Variants in ZMYM1 observed in about 807,000 individuals in gnomAD.
ZMYM1 encodes the protein zinc finger MYM-type containing 1, also known as zinc finger MYM-type protein 1.
A neutral mutation model predicts 60.0 loss-of-function variants in ZMYM1; 39 were observed. The ratio of observed to expected loss-of-function variants is 0.65; its 90% CI spans 0.50 to 0.85. ZMYM1 has a LOEUF of 0.85. Ranked by LOEUF, ZMYM1 falls within the 40% of genes least tolerant of loss-of-function variation. The pLI, the probability that ZMYM1 is intolerant of heterozygous loss-of-function variation, is 0.00. For synonymous variants in ZMYM1, 413 were observed against 454.0 expected (o/e 0.91, Z 1.15); for missense variants, 1,171 against 1,309.5 (o/e 0.89, Z 1.63).
chr1:35,084,507 G>A (rs984441532), intron 1 of ZMYM1, among the ~76,000 whole-genome samples: 1 of 152,194 alleles, frequency 6.6e-6, no homozygotes, highest in Non-Finnish European at 1.5e-5. Flanking sequence ...TATAGGTCTT[G>A]TTAAGACTGG....
intron 1 of ZMYM1, among the ~76,000 whole-genome samples, chr1:35,061,917 C>T (rs946320730): frequency 1.3e-5 from 2 of 151,418 alleles, no homozygotes; most frequent in African/African-American, 2.4e-5. Flanking sequence ...GCAACCTCCA[C>T]CTCCCAGGTT....
rs767024561 is a variant in ZMYM1, at chr1:35,104,772, A to G, written c.807+3A>G. On this transcript the variant is annotated splice_donor_region_variant and intron_variant, in intron 6 of 9. Transcript: ENST00000359858. The stretch of plus-strand genomic sequence containing the variant: ...AGAGTATTACAGCATATAAGCAGGT[A>G]TGAATAAAGACCTATTGTTTCTTCT... The G allele has an allele frequency of 8.1e-6, 13 of 1,607,236 alleles. No homozygotes were observed. Among genetic ancestry groups the G allele is most frequent in the South Asian group, 1.1e-5 (1 of 90,974 alleles).
chr1:35,110,558 C>A lies in ZMYM1; in HGVS notation c.961+111C>A. ...TCAAATTAAACCGACTTTTAAAAGT[C>A]AAAACAATCTAAACTTGTTGCAAAG... On this transcript the variant is annotated intron_variant, in intron 7 of 9. Transcript: ENST00000359858. The A allele has an allele frequency of 1.1e-6, 1 of 938,952 alleles. No individual in the cohort carries two copies. Among genetic ancestry groups the A allele is most frequent in the Non-Finnish European group, 1.4e-6 (1 of 707,326 alleles). 58.2% of individuals were successfully genotyped at this position (938,952 alleles called of 1,614,324 possible).
In ZMYM1 at chr1:35,111,819, C is replaced by T; in HGVS notation, c.1009C>T (p.Pro337Ser). 1 of 1,606,914 alleles carries T rather than the reference C, an allele frequency of 6.2e-7. No individual in the cohort carries two copies. The highest frequency in any genetic ancestry group is 1.1e-5 in the South Asian group (1 of 90,020). ...TGATACTTCAACAGAGCTTCTTTCT[C>T]CAAAGAAAGATACGACTCCAGTTAT... is the stretch of plus-strand genomic sequence containing the variant. ...VHDTSTELLSPKKDTTPVISN... is the reference protein window; with the variant it reads ...VHDTSTELLSSKKDTTPVISN... The change falls in exon 8 of 10, where the codon CCA becomes TCA. Residue 337 changes from proline to serine, a missense_variant. Pro to Ser is a moderately conservative substitution (Grantham distance 74). Coordinates refer to ENST00000359858, the MANE Select transcript of ZMYM1 (RefSeq NM_024772.5).
intron 2 of ZMYM1, among the ~76,000 whole-genome samples, chr1:35,094,430 A>G (rs1274615952): frequency 6.6e-6 from 1 of 152,234 alleles, no homozygotes; most frequent in African/African-American, 2.4e-5. Context: ...AATACAAATT[A>G]CATTTTTTAA....
At chr1:35,084,631 C>T (rs552236382) in intron 1 of ZMYM1, among the ~76,000 whole-genome samples, 10 of 152,328 alleles carry the variant, frequency 6.6e-5, no homozygotes, top group African/African-American at 2.4e-4. Context: ...CAGGTCTTTA[C>T]CAAAACCCCT....
At chr1:35,082,904 C>T (rs76895407) in intron 1 of ZMYM1, among the ~76,000 whole-genome samples, 8,670 of 151,704 alleles carry the variant, frequency 0.057, 541 homozygotes, top group East Asian at 0.38. Context: ...TCACTTGAAC[C>T]CGGGAGGTGG....
rs1330366050 is a variant in ZMYM1 at position 35,113,118 on chromosome 1, T to A, written c.1288T>A (p.Ser430Thr). The A allele has an allele frequency of 1.2e-6, 2 of 1,613,906 alleles. No individual in the cohort carries two copies. Among genetic ancestry groups the A allele is most frequent in the East Asian group, 4.5e-5 (2 of 44,844 alleles). The change falls in exon 10 of 10, where the codon TCT becomes ACT. Residue 430 changes from serine (S) to threonine (T), a missense_variant. Transcript: ENST00000359858. Reference sequence around the variant, plus strand: ...AGAAGTACAAAAAGACAATATGAAATCTATGAAAATAAGTGATGAACTATG... The same window carrying A: ...AGAAGTACAAAAAGACAATATGAAAACTATGAAAATAAGTGATGAACTATG... ...STEVQKDNMKSMKISDELCHP... is the reference protein window; with the variant it reads ...STEVQKDNMKTMKISDELCHP...
chr1:35,095,099 T>C (rs1234592878), intron 2 of ZMYM1, among the ~76,000 whole-genome samples: 1 of 152,100 alleles, frequency 6.6e-6, no homozygotes, highest in Admixed American at 6.6e-5. Flanking sequence ...TTAGATATGG[T>C]GGCTATGAAA....
At chr1:35,103,608 G>C (rs1269880203) in intron 4 of ZMYM1, among the ~76,000 whole-genome samples, 1 of 152,154 alleles carries the variant, frequency 6.6e-6, no homozygotes, top group Non-Finnish European at 1.5e-5. Context: ...GAATAGTGCT[G>C]TTATGAATAT....
chr1:35,114,587 A>G lies in ZMYM1; in HGVS notation c.2757A>G (p.Ile919Met). ...FKTIWDGTEEICQKITCKGFK... is the reference protein window; with the variant it reads ...FKTIWDGTEEMCQKITCKGFK... Reference sequence around the variant, plus strand: ...CAATCTGGGATGGAACAGAGGAAATATGTCAAAAAATAACCTGTAAAGGTT... The same window carrying G: ...CAATCTGGGATGGAACAGAGGAAATGTGTCAAAAAATAACCTGTAAAGGTT... Residue 919 changes from isoleucine to methionine, a missense_variant, in exon 10 of 10, where the codon ATA (isoleucine) becomes ATG (methionine). Transcript: ENST00000359858. 1 of 1,609,904 alleles carries G rather than the reference A, an allele frequency of 6.2e-7. No homozygotes were observed. The highest frequency in any genetic ancestry group is 8.5e-7 in the Non-Finnish European group (1 of 1,178,648).
At chr1:35,097,676 C>T (rs1643407253) in intron 4 of ZMYM1, 110 bp downstream of exon 4, 1 of 1,357,456 alleles carries the variant, frequency 7.4e-7, no homozygotes, top group African/African-American at 1.4e-5. Flanking sequence ...CTGAGTTTGA[C>T]TCTTGTTGCC....
Position 35,113,367 on chromosome 1 carries a change from C to T in ZMYM1, c.1537C>T (p.His513Tyr). 6.2e-7 allele frequency: 1 copy of T among 1,613,014 alleles called. No homozygotes were observed. Among genetic ancestry groups the T allele is most frequent in the South Asian group, 1.1e-5 (1 of 90,748 alleles). ...AAAAACCCTGGAAAAATTCAGAAAGCATGAAAAAAGTGAAATGCATTTGAA... is the reference window on the plus strand; with the variant it reads ...AAAAACCCTGGAAAAATTCAGAAAGTATGAAAAAAGTGAAATGCATTTGAA... ...WKKTLEKFRK[H>Y]EKSEMHLKSL... Residue 513 changes from histidine to tyrosine, a missense_variant, in exon 10 of 10, where the codon CAT becomes TAT. Physicochemically the swap from His to Tyr is moderately conservative, Grantham distance 83 (BLOSUM62 2). Transcript: ENST00000359858.
intron 1 of ZMYM1, among the ~76,000 whole-genome samples, chr1:35,074,355 T>C (rs1642128148): frequency 6.6e-6 from 1 of 152,228 alleles, no homozygotes; most frequent in African/African-American, 2.4e-5. Flanking sequence ...GAATGTTCTG[T>C]AAATGTCTGT....
intron 1 of ZMYM1, among the ~76,000 whole-genome samples, chr1:35,092,091 A>G (rs546168031): frequency 2.1e-4 from 32 of 151,632 alleles, no homozygotes; most frequent in African/African-American, 7.0e-4. Context: ...ATGCCCAGCT[A>G]ATTTTTGTAT....
chr1:35,076,458 C>T (rs1439853116), upstream of ZMYM1, among the ~76,000 whole-genome samples: 2 of 151,856 alleles, frequency 1.3e-5, no homozygotes, highest in Admixed American at 6.6e-5. Flanking sequence ...CCCATCTCTA[C>T]TAAAAATACA....
intron 9 of ZMYM1, among the ~76,000 whole-genome samples, chr1:35,112,648 T>G (rs1361993870): frequency 6.7e-6 from 1 of 148,196 alleles, no homozygotes; most frequent in Non-Finnish European, 1.5e-5. Flanking sequence ...TATTCATATA[T>G]GGGGTGTGTG....
chr1:35,113,881 A>G lies in ZMYM1; in HGVS notation c.2051A>G (p.Asp684Gly), dbSNP rs1644179501. ...LIKERFLGFV[D>G]TEEMTGTHLH... ...AAGGAAAGATTCTTGGGTTTTGTTG[A>G]TACTGAGGAGATGACTGGGACCCAC... The change falls in exon 10 of 10, where the codon GAT (aspartate) becomes GGT (glycine). Residue 684 changes from aspartate (D) to glycine (G), a missense_variant. Transcript: ENST00000359858. 1 of 1,613,724 alleles carries G rather than the reference A, an allele frequency of 6.2e-7. No individual in the cohort carries two copies. The highest frequency in any genetic ancestry group is 1.3e-5 in the African/African-American group (1 of 74,906).
rs111743250 is a variant in ZMYM1, at chr1:35,073,338, A to G, written c.-300-5656A>G. Among the ~76,000 whole-genome samples the G allele has an allele frequency of 2.7e-3, 318 of 115,750 alleles. 1 individual carries two copies. Among genetic ancestry groups the G allele is most frequent in the African/African-American group, 7.8e-3 (222 of 28,574 alleles). 75.9% of individuals were successfully genotyped at this position (115,750 alleles called of 152,430 possible). ...GAAAAAAAGAAAGGGAGAAAGAAAG[A>G]AAGGAAGGAAGGAAGGAAGGAAGGA... On this transcript the variant is annotated intron_variant, in intron 1 of 10. Coordinates refer to the ZMYM1 transcript ENST00000417119.
Sources: allele counts gnomAD v4.1 joint callset (sites outside exome capture counted in the v4.1 genomes callset), GRCh38; gene constraint gnomAD v4.1.1; transcripts MANE v1.5; gene names NCBI Gene and HGNC (gene_info 2026-07-23, HGNC 2026-07-21).